LCP2: variants seen among roughly 807,000 people sequenced by gnomAD.
LCP2 encodes the protein 76 kDa tyrosine phosphoprotein.
Under a neutral mutation model 74.5 loss-of-function variants are expected in LCP2, and 29 were observed. That is an observed-to-expected ratio of 0.39 (90% CI 0.29 to 0.53). LCP2 has a LOEUF of 0.53. Ranked by LOEUF, LCP2 falls within the 20% of genes least tolerant of loss-of-function variation. The pLI, the probability that LCP2 is intolerant of heterozygous loss-of-function variation, is 0.72. For missense variants in LCP2, 604 were observed against 634.6 expected, an observed-to-expected ratio of 0.95 and a Z score of 0.52; for synonymous variants, 228 against 229.5, an observed-to-expected ratio of 0.99 and a Z score of 0.06.
Position 170,274,743 on chromosome 5 carries a change from A to G in LCP2, c.287-405T>C, listed in dbSNP as rs186598911. Among the ~76,000 whole-genome samples, 120 of 152,244 alleles carry G rather than the reference A, an allele frequency of 7.9e-4. 2 individuals carry two copies. In the East Asian group the frequency reaches 0.019, roughly 25 times the overall value. On this transcript the variant is annotated intron_variant, in intron 5 of 20. Transcript: ENST00000046794. The stretch of plus-strand genomic sequence containing the variant: ...TGTAATCCTAGCACTTTGGGAGGCC[A>G]AGGCGGGCAGATCATGAGGTCAGGA...
chr5:170,259,232 C>T (rs897198248), intron 14 of LCP2, among the ~76,000 whole-genome samples: 9 of 151,966 alleles, frequency 5.9e-5, no homozygotes, highest in African/African-American at 2.2e-4. Flanking sequence ...CCCTAGTGAC[C>T]CCCCAAAAAT....
intron 17 of LCP2, among the ~76,000 whole-genome samples, chr5:170,254,072 C>G (rs1481574821): frequency 6.6e-6 from 1 of 152,170 alleles, no homozygotes; most frequent in Non-Finnish European, 1.5e-5. Context: ...ATTTATTCAG[C>G]ACAACTCTGT....
chr5:170,295,663 A>G (rs538147619), intron 1 of LCP2, among the ~76,000 whole-genome samples: 1 of 152,280 alleles, frequency 6.6e-6, no homozygotes, highest in South Asian at 2.1e-4. Context: ...GACAGCTAAG[A>G]TCCATTCCCA....
intron 3 of LCP2, among the ~76,000 whole-genome samples, chr5:170,284,824 C>T (rs758950030): frequency 6.6e-6 from 1 of 150,408 alleles, no homozygotes; most frequent in Non-Finnish European, 1.5e-5. Context: ...CATCTCAGCT[C>T]ACTGCAGCCT....
At chr5:170,277,743 CAAAAAAA>C (rs371915364) in intron 3 of LCP2, among the ~76,000 whole-genome samples, 7 of 117,698 alleles carry the variant, frequency 5.9e-5, no homozygotes, top group African/African-American at 1.5e-4. Flanking sequence ...AACTTCGTCT[CAAAAAAA>C]AAAAAAAAAA....
chr5:170,266,787 T>A (rs754345673), intron 10 of LCP2, 21 bp downstream of exon 10: 1 of 1,587,964 alleles, frequency 6.3e-7, no homozygotes. Flanking sequence ...TTACTATGCA[T>A]TAAATGTGAA....
intron 14 of LCP2, among the ~76,000 whole-genome samples, chr5:170,259,634 G>T (rs1761618566): frequency 6.6e-6 from 1 of 152,184 alleles, no homozygotes; most frequent in South Asian, 2.1e-4. Flanking sequence ...TCAAAGTGTT[G>T]TTAGAAGGAT....
intron 10 of LCP2, among the ~76,000 whole-genome samples, chr5:170,265,805 A>G (rs989115198): frequency 1.3e-5 from 2 of 152,158 alleles, no homozygotes; most frequent in Non-Finnish European, 2.9e-5. Flanking sequence ...CATAGCCAAG[A>G]AAGGGGTGGG....
chr5:170,275,218 T>G, intron 5 of LCP2, 102 bp downstream of exon 5: 1 of 1,255,120 alleles, frequency 8.0e-7, no homozygotes, highest in Non-Finnish European at 1.2e-6. Flanking sequence ...GTCAGTAAGG[T>G]CACCTGAATG....
intron 4 of LCP2, chr5:170,275,571 G>A: frequency 3.1e-6 from 2 of 644,800 alleles, no homozygotes; most frequent in Admixed American, 2.8e-5. Context: ...GCTCATGACT[G>A]TCTGATGCTG....
chr5:170,280,693 A>G (rs1261376054), intron 3 of LCP2, among the ~76,000 whole-genome samples: 2 of 152,204 alleles, frequency 1.3e-5, no homozygotes, highest in Non-Finnish European at 2.9e-5. Context: ...AAGTATAATT[A>G]TTCTCATTTT....
At chr5:170,272,052 G>T (rs315743) in intron 6 of LCP2, among the ~76,000 whole-genome samples, 21,532 of 152,128 alleles carry the variant, frequency 0.14, 2,706 homozygotes, top group African/African-American at 0.34. Flanking sequence ...TTAGGAGCAG[G>T]TGGGCAGAGC....
intron 3 of LCP2, chr5:170,287,583 C>T: frequency 3.9e-6 from 1 of 253,538 alleles, no homozygotes; most frequent in South Asian, 5.6e-5. Flanking sequence ...TCTGCTTTGG[C>T]TCTCATTTTA....
chr5:170,249,326 C>T (rs575622727), intron 20 of LCP2, among the ~76,000 whole-genome samples: 1 of 146,826 alleles, frequency 6.8e-6, no homozygotes, highest in South Asian at 2.1e-4. Flanking sequence ...GAAACTCCAT[C>T]TCAAAAAAAA....
chr5:170,270,405 T>A (rs1761875348), intron 7 of LCP2: 1 of 280,812 alleles, frequency 3.6e-6, no homozygotes, highest in Non-Finnish European at 6.6e-6. Flanking sequence ...GAGTTGAAAC[T>A]GCCAAATAGC....
chr5:170,270,583 T>A (rs1399703104), intron 7 of LCP2, 136 bp downstream of exon 7: 4 of 678,182 alleles, frequency 5.9e-6, no homozygotes, highest in Non-Finnish European at 9.8e-6. Flanking sequence ...GCCACATAGC[T>A]GTTAAGAAGC....
chr5:170,258,755 G>T, intron 15 of LCP2, 111 bp downstream of exon 15: 1 of 686,572 alleles, frequency 1.5e-6, no homozygotes. Context: ...ACTAATTTAA[G>T]ACTTATAATT....
Position 170,254,842 on chromosome 5 carries a change from T to A in LCP2, c.1151-1629A>T, listed in dbSNP as rs560831976. On this transcript the variant is annotated intron_variant, in intron 17 of 20. Transcript: ENST00000046794. ...AATATCTAGACTCTCAAGGGAGTCATGACAGGTTTTTGGGCAATGCACAGC... is the reference window on the plus strand; with the variant it reads ...AATATCTAGACTCTCAAGGGAGTCAAGACAGGTTTTTGGGCAATGCACAGC... 5.3e-5 allele frequency among the ~76,000 whole-genome samples: 8 copies of A among 152,326 alleles called. No individual in the cohort carries two copies. The South Asian group carries it at 1.5e-3, about 28-fold the overall frequency.
chr5:170,257,107 C>G (rs1761567385), intron 16 of LCP2, among the ~76,000 whole-genome samples: 1 of 152,148 alleles, frequency 6.6e-6, no homozygotes, highest in African/African-American at 2.4e-5. Context: ...GAAATGCAGT[C>G]TGTTCCCTCC....
Sources: gnomAD v4.1 joint callset for allele counts (sites outside exome capture counted in the v4.1 genomes callset) on GRCh38, gnomAD v4.1.1 for gene constraint, MANE v1.5 for transcripts, NCBI Gene and HGNC (gene_info 2026-07-23, HGNC 2026-07-21) for gene names.